The following THRAP3 variants were observed in gnomAD, a reference collection of about 807,000 sequenced individuals.
THRAP3 encodes thyroid hormone receptor associated protein 3, also known as thyroid hormone receptor-associated protein 3.
Under a neutral mutation model 101.0 loss-of-function variants are expected in THRAP3, and 16 were observed. The ratio of observed to expected loss-of-function variants is 0.16; its 90% CI spans 0.11 to 0.24. The LOEUF is 0.24. Among genes scored for constraint, THRAP3 ranks in the 10% least tolerant of loss-of-function variants. THRAP3 has a pLI of 1.00. For missense variants in THRAP3, 989 were observed against 1,202.7 expected (o/e 0.82, Z 2.63); for synonymous variants, 407 against 422.6 (o/e 0.96, Z 0.45).
chr1:36,220,972 A>T (rs12134596), upstream of THRAP3, among the ~76,000 whole-genome samples: 3,236 of 93,528 alleles, frequency 0.035, 78 homozygotes, highest in Admixed American at 0.059. Flanking sequence ...AAAAAAAAAA[A>T]ATATATATAT....
chr1:36,268,508 T>C (rs1369147676), intron 2 of THRAP3, among the ~76,000 whole-genome samples: 1 of 152,138 alleles, frequency 6.6e-6, no homozygotes, highest in African/African-American at 2.4e-5. Flanking sequence ...GGAAACTGTT[T>C]TGTTTTTAAG....
intron 1 of THRAP3, among the ~76,000 whole-genome samples, chr1:36,231,122 A>G (rs763352757): frequency 2.8e-4 from 42 of 152,160 alleles, no homozygotes; most frequent in Admixed American, 4.6e-4. Flanking sequence ...TCCCATTCAT[A>G]GTCACTTTGC....
At chr1:36,262,786 A>T (rs1294644067) in intron 2 of THRAP3, among the ~76,000 whole-genome samples, 1 of 130,528 alleles carries the variant, frequency 7.7e-6, no homozygotes, top group South Asian at 2.5e-4. Context: ...ATTTTATTTT[A>T]TTTATTTATT....
At chr1:36,211,968 T>G in the THRAP3 span, among the ~76,000 whole-genome samples, 5 of 152,190 alleles carry the variant, frequency 3.3e-5, no homozygotes, top group Non-Finnish European at 7.3e-5. Context: ...TAGTCATGAC[T>G]TCAGTGTAGA....
the THRAP3 span, among the ~76,000 whole-genome samples, chr1:36,218,008 A>T: frequency 1.3e-5 from 2 of 152,204 alleles, no homozygotes; most frequent in African/African-American, 2.4e-5. Context: ...AAAAGCCTAG[A>T]CAGGCAGAAA....
At chr1:36,262,948 A>G (rs1175859099) in intron 2 of THRAP3, among the ~76,000 whole-genome samples, 1 of 140,342 alleles carries the variant, frequency 7.1e-6, no homozygotes, top group Non-Finnish European at 1.5e-5. Context: ...GCCCGCCACC[A>G]GGGCCGGCTA....
intron 11 of THRAP3, among the ~76,000 whole-genome samples, chr1:36,302,872 G>T (rs1256010714): frequency 1.3e-5 from 2 of 152,146 alleles, no homozygotes; most frequent in Non-Finnish European, 2.9e-5. Context: ...TGAAATGTAG[G>T]TTAAGTGTTT....
chr1:36,272,311 T>C lies in THRAP3; in HGVS notation c.-31-10222T>C, dbSNP rs565515424. Among the ~76,000 whole-genome samples, 6 of 152,356 alleles carry C rather than the reference T, an allele frequency of 3.9e-5. No individual in the cohort carries two copies. In the South Asian group the frequency reaches 1.2e-3, roughly 32 times the overall value. On this transcript the variant is annotated intron_variant, in intron 2 of 11. Transcript: ENST00000354618. ...TTTCTATAAATTGAAGACCTTAGAA[T>C]TGAAATTAGTATTTACTGATTTACC...
intron 4 of THRAP3, chr1:36,288,077 T>G (rs1284117835): frequency 4.1e-6 from 4 of 984,272 alleles, no homozygotes; most frequent in Non-Finnish European, 4.8e-6. Flanking sequence ...TTGACTTGAT[T>G]AAGCTTTCTG....
intron 10 of THRAP3, 139 bp downstream of exon 10, chr1:36,301,223 C>A: frequency 1.1e-6 from 1 of 926,492 alleles, no homozygotes; most frequent in Non-Finnish European, 1.6e-6. Context: ...GTTCTCCTTC[C>A]CACATTTCCT....
chr1:36,247,580 C>G (rs1347014439), intron 1 of THRAP3, among the ~76,000 whole-genome samples: 3 of 152,006 alleles, frequency 2.0e-5, no homozygotes, highest in Non-Finnish European at 4.4e-5. Flanking sequence ...CCCGCCTCAG[C>G]CTCCCAAAGT....
chr1:36,285,224 G>A (rs1422897113), intron 3 of THRAP3, among the ~76,000 whole-genome samples: 1 of 152,182 alleles, frequency 6.6e-6, no homozygotes, highest in Non-Finnish European at 1.5e-5. Context: ...CTGATTAACT[G>A]AAGAGTTTTT....
At chr1:36,241,034 G>T (rs1449205101) in intron 1 of THRAP3, among the ~76,000 whole-genome samples, 1 of 151,778 alleles carries the variant, frequency 6.6e-6, no homozygotes, top group Non-Finnish European at 1.5e-5. Flanking sequence ...GTGAAACCCC[G>T]TCTCTACTAA....
At chr1:36,247,350 A>T (rs1645243872) in intron 1 of THRAP3, among the ~76,000 whole-genome samples, 1 of 150,888 alleles carries the variant, frequency 6.6e-6, no homozygotes, top group Non-Finnish European at 1.5e-5. Context: ...TTTGAGTTGG[A>T]GTCTAGCTCT....
upstream of THRAP3, among the ~76,000 whole-genome samples, chr1:36,221,955 G>A (rs1390764570): frequency 6.6e-6 from 1 of 151,968 alleles, no homozygotes; most frequent in Non-Finnish European, 1.5e-5. Context: ...GATTACAGGT[G>A]CCCGCCAGCA....
At chr1:36,238,196 G>A (rs549064002) in intron 1 of THRAP3, among the ~76,000 whole-genome samples, 1 of 152,162 alleles carries the variant, frequency 6.6e-6, no homozygotes, top group South Asian at 2.1e-4. Flanking sequence ...TTAAACTCCT[G>A]ACCTCCAGCC....
At chr1:36,261,648 G>A (rs558620587) in intron 2 of THRAP3, among the ~76,000 whole-genome samples, 1 of 152,320 alleles carries the variant, frequency 6.6e-6, no homozygotes, top group African/African-American at 2.4e-5. Context: ...TCTGGACTAA[G>A]TTCTGGTTGA....
At chr1:36,231,885 T>G (rs1003913394) in intron 1 of THRAP3, among the ~76,000 whole-genome samples, 15 of 152,142 alleles carry the variant, frequency 9.9e-5, no homozygotes, top group African/African-American at 3.4e-4. Flanking sequence ...GATTGAGGAA[T>G]TGGTCAGATT....
Position 36,291,406 on chromosome 1 carries a change from T to A in THRAP3, c.1778T>A (p.Leu593His). Residue 593 changes from leucine (L) to histidine (H), a missense_variant, in exon 6 of 12, where the codon CTT becomes CAT. Coordinates refer to ENST00000354618, the MANE Select transcript of THRAP3 (RefSeq NM_005119.4). ...GGCTTATTGGCTCAGGAACGCAAGC[T>A]TTGCCGAGATCTAGTCCATAGCAAC... ...PSGLLAQERK[L>H]CRDLVHSNKK... 1.2e-6 allele frequency: 2 copies of A among 1,613,968 alleles called. No homozygotes were observed. The highest frequency in any genetic ancestry group is 4.5e-5 in the East Asian group (2 of 44,902).
Sources: allele counts gnomAD v4.1 joint callset (sites outside exome capture counted in the v4.1 genomes callset), GRCh38; gene constraint gnomAD v4.1.1; transcripts MANE v1.5; gene names NCBI Gene and HGNC (gene_info 2026-07-23, HGNC 2026-07-21).